The following RYR3 variants were observed in gnomAD, a reference collection of about 807,000 sequenced individuals.
RYR3 encodes the protein ryanodine receptor 3, also known as brain ryanodine receptor-calcium release channel.
Under a neutral mutation model 584.3 loss-of-function variants are expected in RYR3, and 207 were observed. That is an observed-to-expected ratio of 0.35 (90% CI 0.32 to 0.40). RYR3 has a LOEUF of 0.40. RYR3 is among the 10% of genes least tolerant of loss of function. The pLI is 1.00. For synonymous variants in RYR3, 2,416 were observed against 2,248.5 expected (o/e 1.07, Z -2.11); for missense variants, 5,616 against 6,089.2 (o/e 0.92, Z 2.59).
intron 1 of RYR3, among the ~76,000 whole-genome samples, chr15:33,459,489 T>C (rs1164897695): frequency 6.6e-6 from 1 of 152,144 alleles, no homozygotes; most frequent in Non-Finnish European, 1.5e-5. Flanking sequence ...AAAGCTGTGC[T>C]TTCTGGTTTA....
chr15:33,367,821 G>A (rs1037919632), intron 1 of RYR3, among the ~76,000 whole-genome samples: 1 of 152,180 alleles, frequency 6.6e-6, no homozygotes. Context: ...CACAAGGATT[G>A]TCAAGAATCC....
rs1211724877 is a variant in RYR3 at position 33,816,963 on chromosome 15, G to A, written c.10599+5G>A. The A allele has an allele frequency of 6.4e-7, 1 of 1,554,536 alleles. No homozygotes were observed. Among genetic ancestry groups the A allele is most frequent in the African/African-American group, 1.4e-5 (1 of 73,856 alleles). On this transcript the variant is annotated splice_donor_5th_base_variant and intron_variant, in intron 75 of 103. Transcript: ENST00000634891. ...AAACTAGTACAGGATTTGGCTGTAAGTACTGACTCCCCTGGGAGCAGATAT... is the reference window on the plus strand; with the variant it reads ...AAACTAGTACAGGATTTGGCTGTAAATACTGACTCCCCTGGGAGCAGATAT...
intron 1 of RYR3, among the ~76,000 whole-genome samples, chr15:33,312,605 T>C (rs74528215): frequency 0.024 from 3,588 of 152,304 alleles, 58 homozygotes; most frequent in Non-Finnish European, 0.037. Flanking sequence ...CAGGTGTCTT[T>C]AGTAGTGGAT....
At chr15:33,735,355 A>G (rs1467600956) in intron 48 of RYR3, among the ~76,000 whole-genome samples, 2 of 152,214 alleles carry the variant, frequency 1.3e-5, no homozygotes, top group Non-Finnish European at 2.9e-5. Context: ...GAAACAGACG[A>G]CTTTTGTTCT....
intron 64 of RYR3, among the ~76,000 whole-genome samples, chr15:33,779,501 C>T (rs929327189): frequency 5.3e-5 from 8 of 152,084 alleles, no homozygotes; most frequent in African/African-American, 1.9e-4. Flanking sequence ...CTCATTGGTG[C>T]TTTGGTGTGC....
rs567667320 is a variant in RYR3, at chr15:33,699,934, G to C, written c.6379+101G>C. 4 of 1,173,328 alleles carry C rather than the reference G, an allele frequency of 3.4e-6. No individual in the cohort carries two copies. In the East Asian group the frequency reaches 7.3e-5, roughly 21 times the overall value. 72.7% of individuals were successfully genotyped at this position (1,173,328 alleles called of 1,614,324 possible). ...CAGGGAAAGGAGCCACATGCACGCT[G>C]TGATATTTGTAAATACTAGAAGAGA... On this transcript the variant is annotated intron_variant, in intron 41 of 103. Transcript: ENST00000634891.
At chr15:33,606,080 T>C (rs1309203257) in intron 18 of RYR3, among the ~76,000 whole-genome samples, 3 of 152,228 alleles carry the variant, frequency 2.0e-5, no homozygotes, top group African/African-American at 7.2e-5. Context: ...TCTAACACTT[T>C]GTCCATGGAA....
intron 9 of RYR3, among the ~76,000 whole-genome samples, chr15:33,549,347 G>T (rs989516377): frequency 6.6e-6 from 1 of 152,160 alleles, no homozygotes; most frequent in Non-Finnish European, 1.5e-5. Context: ...TTATCAATGC[G>T]ATTTGGATTT....
chr15:33,394,264 G>A (rs993770679), intron 1 of RYR3, among the ~76,000 whole-genome samples: 13 of 152,354 alleles, frequency 8.5e-5, no homozygotes, highest in African/African-American at 2.9e-4. Context: ...AGCTGAGACA[G>A]TAGGGAAGAA....
At chr15:33,738,685 C>G in intron 50 of RYR3, 95 bp downstream of exon 50, 1 of 1,419,656 alleles carries the variant, frequency 7.0e-7, no homozygotes, top group Non-Finnish European at 9.8e-7. Context: ...TTCCATTTGC[C>G]AGGACCTGTG....
intron 34 of RYR3, among the ~76,000 whole-genome samples, chr15:33,660,736 G>A (rs1173629813): frequency 1.3e-5 from 2 of 152,222 alleles, no homozygotes; most frequent in African/African-American, 2.4e-5. Flanking sequence ...GGAAGGGGAA[G>A]ACTCTAGCTT....
chr15:33,425,841 A>C (rs2044596162), intron 1 of RYR3, among the ~76,000 whole-genome samples: 1 of 151,812 alleles, frequency 6.6e-6, no homozygotes, highest in Non-Finnish European at 1.5e-5. Context: ...ACGGGGTTTC[A>C]CCGTGTTAGC....
intron 45 of RYR3, among the ~76,000 whole-genome samples, chr15:33,725,188 CACACACACACACACAT>C (rs962225396): frequency 2.0e-5 from 3 of 149,236 alleles, no homozygotes; most frequent in African/African-American, 4.9e-5. Flanking sequence ...CACACACACA[CACACACACACACACAT>C]ATATACATCC....
rs377531491 is a variant in RYR3 at position 33,530,572 on chromosome 15, A to C, written c.280-20A>C. 6.9e-6 allele frequency: 11 copies of C among 1,592,446 alleles called. No homozygotes were observed. Among genetic ancestry groups the C allele is most frequent in the Non-Finnish European group, 9.5e-6 (11 of 1,160,884 alleles). On this transcript the variant is annotated intron_variant, in intron 3 of 103. Transcript: ENST00000634891. ...GCCACAACGGGCATGTGCTGACCTT[A>C]TTCTTCCTCATTCCCACAGGCAGCA...
chr15:33,644,498 A>T lies in RYR3; in HGVS notation c.3744A>T (p.Pro1248=), dbSNP rs2061991514. The stretch of plus-strand genomic sequence containing the variant: ...GCCTCCCGACGTTTGTCAACGTGCC[A>T]AAGGATCATCCACACATAGAGGTAA... ...SKRLPTFVNV[P]KDHPHIEVMR... is the part of the protein sequence containing the mutation. Residue 1248 remains proline (P), a synonymous_variant, in exon 28 of 104, where the codon CCA becomes CCT. Transcript: ENST00000634891. The T allele has an allele frequency of 6.2e-7, 1 of 1,613,532 alleles. No individual in the cohort carries two copies. Among genetic ancestry groups the T allele is most frequent in the Non-Finnish European group, 8.5e-7 (1 of 1,179,684 alleles).
At chr15:33,581,479 T>A in intron 13 of RYR3, 29 bp from the exon 14 acceptor site, 1 of 1,609,926 alleles carries the variant, frequency 6.2e-7, no homozygotes, top group Non-Finnish European at 8.5e-7. Flanking sequence ...ATCAGCAATG[T>A]TTACATTTTC....
intron 5 of RYR3, among the ~76,000 whole-genome samples, chr15:33,535,282 A>G (rs1163222866): frequency 1.3e-5 from 2 of 152,206 alleles, no homozygotes; most frequent in Non-Finnish European, 2.9e-5. Context: ...AACCGTGTGT[A>G]CTTGCTGTTT....
At position 33,859,650 on chromosome 15, in the gene RYR3, G is replaced by C. The variant is rs569879011; in HGVS notation, c.14218G>C (p.Asp4740His). Residue 4740 changes from aspartate (D) to histidine (H), a missense_variant, in exon 100 of 104, where the codon GAT becomes CAT. Transcript: ENST00000634891. Reference protein sequence around the residue: ...IGDEIEDPAGDPYEMYRIVFD... With the variant: ...IGDEIEDPAGHPYEMYRIVFD... ...TGATGAAATTGAAGACCCTGCTGGT[G>C]ATCCTTATGAAATGTATCGCATTGT... 369 of 1,613,854 alleles carry C rather than the reference G, an allele frequency of 2.3e-4. 2 individuals carry two copies. In the South Asian group the frequency reaches 3.8e-3, roughly 17 times the overall value.
At chr15:33,421,071 G>A (rs964437108) in intron 1 of RYR3, among the ~76,000 whole-genome samples, 13 of 152,138 alleles carry the variant, frequency 8.5e-5, no homozygotes, top group African/African-American at 1.9e-4. Flanking sequence ...GGAGCCATGA[G>A]AGGAGGGATT....
Sources: allele counts gnomAD v4.1 joint callset (sites outside exome capture counted in the v4.1 genomes callset), GRCh38; gene constraint gnomAD v4.1.1; transcripts MANE v1.5; gene names NCBI Gene and HGNC (gene_info 2026-07-23, HGNC 2026-07-21).